The following GKAP1 variants were observed in gnomAD, a reference collection of about 807,000 sequenced individuals.
The protein encoded by GKAP1 is G kinase-anchoring protein 1.
In GKAP1, 31 loss-of-function variants were observed where a neutral mutation model predicts 56.7. That is an observed-to-expected ratio of 0.55 (90% CI 0.41 to 0.74). The LOEUF (loss-of-function observed/expected upper bound fraction) is 0.74, where lower values mean the gene tolerates loss of function less well. Among genes scored for constraint, GKAP1 ranks in the 30% least tolerant of loss-of-function variants. The pLI, the probability that GKAP1 is intolerant of heterozygous loss-of-function variation, is 0.00. For synonymous variants in GKAP1, 151 were observed against 138.6 expected (o/e 1.09, Z -0.63); for missense variants, 364 against 402.3 (o/e 0.90, Z 0.82).
At chr9:83,773,443 T>C (rs781168457) in intron 7 of GKAP1, among the ~76,000 whole-genome samples, 1 of 152,130 alleles carries the variant, frequency 6.6e-6, no homozygotes, top group Non-Finnish European at 1.5e-5. Context: ...CTAGACTGTG[T>C]TTATGGCTGC....
chr9:83,787,280 C>A (rs1298814450), intron 5 of GKAP1, among the ~76,000 whole-genome samples: 1 of 152,168 alleles, frequency 6.6e-6, no homozygotes, highest in Admixed American at 6.6e-5. Flanking sequence ...CTTGCCCAGG[C>A]AGGAGGAGTG....
intron 2 of GKAP1, among the ~76,000 whole-genome samples, chr9:83,815,533 A>C (rs145532882): frequency 8.9e-4 from 135 of 152,186 alleles, no homozygotes; most frequent in African/African-American, 3.1e-3. Context: ...AGCAGCAGCC[A>C]TATCTCAGTC....
chr9:83,740,218 C>G (rs1158372959), intron 12 of GKAP1, among the ~76,000 whole-genome samples: 2 of 152,006 alleles, frequency 1.3e-5, no homozygotes, highest in Non-Finnish European at 2.9e-5. Context: ...GGATTGAAAA[C>G]TAGGTTATGC....
chr9:83,783,651 T>C (rs573647424), intron 6 of GKAP1, among the ~76,000 whole-genome samples: 149 of 152,354 alleles, frequency 9.8e-4, no homozygotes, highest in Non-Finnish European at 1.6e-3. Context: ...AATTTGTATT[T>C]TAATTTTCTA....
chr9:83,789,323 T>A (rs891763204), intron 4 of GKAP1, among the ~76,000 whole-genome samples: 5 of 152,174 alleles, frequency 3.3e-5, no homozygotes, highest in Non-Finnish European at 5.9e-5. Context: ...CACCCTCCAA[T>A]CCAATTAATC....
At chr9:83,812,206 CACAT>C (rs1046839486) in intron 2 of GKAP1, among the ~76,000 whole-genome samples, 252 of 149,052 alleles carry the variant, frequency 1.7e-3, no homozygotes, top group African/African-American at 5.2e-3. Flanking sequence ...CATATATATA[CACAT>C]ACATACATAC....
chr9:83,757,554 T>C (rs568561483), intron 8 of GKAP1, among the ~76,000 whole-genome samples: 1 of 152,304 alleles, frequency 6.6e-6, no homozygotes, highest in Admixed American at 6.5e-5. Context: ...CTAAGGACTT[T>C]GGGTGTCAGG....
At chr9:83,758,763 ATGAC>A (rs995142726) in intron 8 of GKAP1, among the ~76,000 whole-genome samples, 3 of 151,946 alleles carry the variant, frequency 2.0e-5, no homozygotes, top group African/African-American at 7.2e-5. Context: ...AAAAAACTGA[ATGAC>A]AGACAGACTT....
In GKAP1 at chr9:83,809,898, C is replaced by T. The variant is rs186171118; in HGVS notation, c.-43-3338G>A. Among the ~76,000 whole-genome samples, 53 of 152,316 alleles carry T rather than the reference C, an allele frequency of 3.5e-4. No individual in the cohort carries two copies. In the East Asian group the frequency reaches 9.5e-3, roughly 27 times the overall value. ...TTATGGCTCACTGCAGCCTCGACTTCCTGGGCTAAAATGATTCTCCCAGAT... is the reference window on the plus strand; with the variant it reads ...TTATGGCTCACTGCAGCCTCGACTTTCTGGGCTAAAATGATTCTCCCAGAT... On this transcript the variant is annotated intron_variant, in intron 2 of 12. Transcript: ENST00000376371.
chr9:83,743,781 T>C (rs1202954428), intron 10 of GKAP1, among the ~76,000 whole-genome samples: 2 of 152,156 alleles, frequency 1.3e-5, no homozygotes, highest in Non-Finnish European at 2.9e-5. Flanking sequence ...TTAGAACTAT[T>C]CATTTTTTTC....
intron 12 of GKAP1, among the ~76,000 whole-genome samples, chr9:83,741,333 A>C (rs546261556): frequency 6.8e-6 from 1 of 146,936 alleles, no homozygotes; most frequent in African/African-American, 2.5e-5. Context: ...AGAAACACAT[A>C]TATATACACA....
chr9:83,804,063 C>T (rs1451291740), intron 3 of GKAP1, among the ~76,000 whole-genome samples: 25 of 150,710 alleles, frequency 1.7e-4, no homozygotes, highest in African/African-American at 5.9e-4. Flanking sequence ...CCGGCAGCCA[C>T]CCCGTCTGGG....
Position 83,788,631 on chromosome 9 carries a change from T to C in GKAP1, c.408A>G (p.Leu136=). The change falls in exon 5 of 13, where the codon CTA becomes CTG. Residue 136 remains leucine (L), a synonymous_variant. Coordinates refer to ENST00000376371, the MANE Select transcript of GKAP1 (RefSeq NM_025211.4). ...TGTGCTCTTCATATTCTAGTTTACT[T>C]AGTAACAATGCCTTCTCAAGATCTG... ...FEADLEKALL[L]SKLEYEEHKK... 1 of 1,603,446 alleles carries C rather than the reference T, an allele frequency of 6.2e-7. No individual in the cohort carries two copies. The highest frequency in any genetic ancestry group is 8.5e-7 in the Non-Finnish European group (1 of 1,174,270).
rs896181482 is a variant in GKAP1 at position 83,741,853 on chromosome 9, A to G, written c.1053+99T>C. 1.8e-5 allele frequency: 12 copies of G among 678,662 alleles called. No homozygotes were observed. The African/African-American group carries it at 2.2e-4, about 13-fold the overall frequency. 42.0% of individuals were successfully genotyped at this position (678,662 alleles called of 1,614,324 possible). On this transcript the variant is annotated intron_variant, in intron 12 of 12. Transcript: ENST00000376371. ...AATTATCAATATATTTAGTGAATAA[A>G]TTTTGGCCTAAGAATAAAATACTGC...
At chr9:83,784,493 C>G (rs1439999423) in intron 6 of GKAP1, among the ~76,000 whole-genome samples, 2 of 152,198 alleles carry the variant, frequency 1.3e-5, no homozygotes, top group African/African-American at 4.8e-5. Context: ...GCTTCCAGAA[C>G]TGTGAGCCAA....
chr9:83,772,700 G>C (rs1250413051), intron 7 of GKAP1, among the ~76,000 whole-genome samples: 1 of 152,152 alleles, frequency 6.6e-6, no homozygotes, highest in Non-Finnish European at 1.5e-5. Context: ...TCATGTATCT[G>C]ATAGAGGACT....
chr9:83,784,761 T>C lies in GKAP1; in HGVS notation c.516A>G (p.Gly172=), dbSNP rs746727370. 6.2e-7 allele frequency: 1 copy of C among 1,605,680 alleles called. No individual in the cohort carries two copies. The highest frequency in any genetic ancestry group is 1.7e-5 in the Admixed American group (1 of 59,276). The change falls in exon 6 of 13, where the codon GGA becomes GGG. Residue 172 remains glycine (G), a synonymous_variant. Coordinates refer to ENST00000376371, the MANE Select transcript of GKAP1 (RefSeq NM_025211.4). ...GTGATACTGTGAGAGGTCTGTCTTT[T>C]CCCTGATGATTCTTTCTTTTATCTT... The part of the protein sequence containing the change: ...NKKDKRKNHQ[G]KDRPLTVSLK...
intron 5 of GKAP1, among the ~76,000 whole-genome samples, chr9:83,788,201 C>G (rs1323241389): frequency 6.6e-6 from 1 of 152,176 alleles, no homozygotes; most frequent in Admixed American, 6.5e-5. Flanking sequence ...TCGCTTGAAC[C>G]TGGGAGGCGG....
At chr9:83,770,851 C>T (rs997648067) in intron 7 of GKAP1, among the ~76,000 whole-genome samples, 1 of 151,864 alleles carries the variant, frequency 6.6e-6, no homozygotes, top group African/African-American at 2.4e-5. Flanking sequence ...TGAGACACTG[C>T]GTCCGGCGTT....
Sources: allele counts gnomAD v4.1 joint callset (sites outside exome capture counted in the v4.1 genomes callset), GRCh38; gene constraint gnomAD v4.1.1; transcripts MANE v1.5; gene names NCBI Gene and HGNC (gene_info 2026-07-23, HGNC 2026-07-21).